Variants in CELF2 observed in about 807,000 individuals in gnomAD.
CELF2 encodes CUGBP Elav-like family member 2.
CELF2 carries 8 observed loss-of-function variants against 62.6 expected under a neutral mutation model. The observed-to-expected ratio is 0.13, with a 90% CI of 0.07 to 0.23. CELF2 has a LOEUF of 0.23. CELF2 is among the 10% of genes least tolerant of loss of function. The pLI is 1.00. For missense variants in CELF2, 333 were observed against 671.0 expected (o/e 0.50, Z 5.56); for synonymous variants, 258 against 250.0 (o/e 1.03, Z -0.30).
At chr10:11,133,717 G>T (rs1292244178) in intron 1 of CELF2, among the ~76,000 whole-genome samples, 1 of 152,198 alleles carries the variant, frequency 6.6e-6, no homozygotes, top group African/African-American at 2.4e-5. Context: ...GTAAATTCCT[G>T]TGGCGGCCCT....
the CELF2 span, among the ~76,000 whole-genome samples, chr10:10,740,802 C>A: frequency 2.0e-5 from 3 of 152,106 alleles, no homozygotes; most frequent in Admixed American, 6.5e-5. Context: ...AACTGGAAGA[C>A]ATTATGCTAA....
the CELF2 span, among the ~76,000 whole-genome samples, chr10:10,477,599 G>A: frequency 6.6e-6 from 1 of 152,052 alleles, no homozygotes; most frequent in Non-Finnish European, 1.5e-5. Context: ...TCTAGGCCGA[G>A]TGCTGTTATG....
chr10:10,647,286 C>G, the CELF2 span, among the ~76,000 whole-genome samples: 1 of 152,286 alleles, frequency 6.6e-6, no homozygotes, highest in Non-Finnish European at 1.5e-5. Context: ...AGAAAACTTT[C>G]TGCTCCTTGC....
In CELF2 at chr10:11,309,744, A is replaced by C. The variant is rs1015575809; in HGVS notation, c.977-4395A>C. Among the ~76,000 whole-genome samples, 1 of 152,142 alleles carries C rather than the reference A, an allele frequency of 6.6e-6. No individual in the cohort carries two copies. Among genetic ancestry groups the C allele is most frequent in the Non-Finnish European group, 1.5e-5 (1 of 68,024 alleles). Reference sequence around the variant, plus strand: ...TGTCCCTTTCCCTGCCCTCTCTGCTAAGCTTTCAGCTGGTCTACTTTGCCA... The same window carrying C: ...TGTCCCTTTCCCTGCCCTCTCTGCTCAGCTTTCAGCTGGTCTACTTTGCCA... On this transcript the variant is annotated intron_variant, in intron 9 of 12. Transcript: ENST00000633077. The surrounding 1 kb of genome is among the most constrained non-coding windows in gnomAD (Gnocchi z 5.6).
chr10:10,774,840 G>C, the CELF2 span, among the ~76,000 whole-genome samples: 2 of 151,698 alleles, frequency 1.3e-5, no homozygotes, highest in Non-Finnish European at 2.9e-5. Context: ...AGGCCTCTTG[G>C]GTGAGCTGAT....
At chr10:11,218,284 A>G (rs2063849307) in intron 3 of CELF2, among the ~76,000 whole-genome samples, 4 of 152,244 alleles carry the variant, frequency 2.6e-5, no homozygotes, top group Admixed American at 2.6e-4. Flanking sequence ...CACCTGTGGT[A>G]ACCAGTGCAA....
At chr10:11,131,988 A>G (rs1351791899) in intron 1 of CELF2, among the ~76,000 whole-genome samples, 8 of 152,242 alleles carry the variant, frequency 5.3e-5, no homozygotes, top group South Asian at 2.1e-4. Flanking sequence ...GCATTCATCA[A>G]TAAAACCGTA....
rs188306913 is a variant in CELF2 at position 10,928,981 on chromosome 10, A to C, written c.89+8982A>C. On this transcript the variant is annotated intron_variant, in intron 2 of 13. Coordinates refer to the CELF2 transcript ENST00000636488. This position sits in a 1 kb window ranked among gnomAD's most constrained non-coding sequence, Gnocchi z 4.8. The stretch of plus-strand genomic sequence containing the variant: ...AATGGATTAATAAATGTTTAAATCA[A>C]TGAATAAATATTTGAATTGGGAAGG... 7.6e-4 allele frequency among the ~76,000 whole-genome samples: 116 copies of C among 152,360 alleles called. No individual in the cohort carries two copies. Among genetic ancestry groups the C allele is most frequent in the Non-Finnish European group, 1.9e-4 (13 of 68,032 alleles).
chr10:10,552,407 GA>G, the CELF2 span, among the ~76,000 whole-genome samples: 1 of 152,216 alleles, frequency 6.6e-6, no homozygotes, highest in African/African-American at 2.4e-5. Context: ...GAGACTAGCA[GA>G]AAATAAATGG....
the CELF2 span, among the ~76,000 whole-genome samples, chr10:10,718,445 G>A: frequency 1.8e-4 from 27 of 151,958 alleles, no homozygotes; most frequent in South Asian, 4.2e-4. Flanking sequence ...CCAACATGGT[G>A]AAACCCCCTC....
chr10:11,130,321 A>C (rs2059427085), intron 1 of CELF2, among the ~76,000 whole-genome samples: 1 of 152,124 alleles, frequency 6.6e-6, no homozygotes, highest in South Asian at 2.1e-4. Context: ...CCATTTTCTT[A>C]ATGCTAAACC....
rs751126895 is a variant in CELF2, at chr10:11,319,110, C to T, written c.1097-2079C>T. On this transcript the variant is annotated intron_variant, in intron 10 of 12. Coordinates refer to ENST00000633077, the MANE Select transcript of CELF2 (RefSeq NM_001326342.2). The surrounding 1 kb of genome is among the most constrained non-coding windows in gnomAD (Gnocchi z 4.4). ...AGATCCAAGCAGAGCGGCGAGTCGC[C>T]GCTCCTCTCCCGCCAGAATTTCCTC... is the stretch of plus-strand genomic sequence containing the variant. 7.4e-5 allele frequency: 35 copies of T among 469,842 alleles called. No homozygotes were observed. The highest frequency in any genetic ancestry group is 3.0e-4 in the African/African-American group (15 of 50,060). The allele number at this position is 469,842 out of a possible 1,614,324, so 29.1% of individuals were successfully genotyped here.
At chr10:10,946,982 T>G (rs1469681115) in intron 2 of CELF2, 1 of 152,214 alleles carries the variant, frequency 6.6e-6, no homozygotes, top group East Asian at 1.9e-4. Context: ...TCTCTGCCTG[T>G]GAGGAGTTGT....
chr10:10,855,992 T>TG (rs1490259168), intron 1 of CELF2, among the ~76,000 whole-genome samples: 1 of 152,126 alleles, frequency 6.6e-6, no homozygotes, highest in African/African-American at 2.4e-5. Context: ...GGATCTAAGA[T>TG]CTAGGAAAGG....
intron 1 of CELF2, among the ~76,000 whole-genome samples, chr10:10,867,678 A>G (rs975589651): frequency 3.9e-5 from 6 of 152,172 alleles, no homozygotes; most frequent in Admixed American, 3.3e-4. Context: ...CAGCTGTCTC[A>G]TTCTGTCTTC....
chr10:10,712,684 G>A, the CELF2 span, among the ~76,000 whole-genome samples: 2 of 152,150 alleles, frequency 1.3e-5, no homozygotes, highest in Non-Finnish European at 2.9e-5. Context: ...CACGGCCAAA[G>A]TACAGACGTT....
At chr10:11,193,747 G>C (rs2056651573) in intron 2 of CELF2, among the ~76,000 whole-genome samples, 2 of 152,216 alleles carry the variant, frequency 1.3e-5, no homozygotes, top group African/African-American at 4.8e-5. Context: ...TGTGATCTTT[G>C]AAGACTGTTT....
the CELF2 span, among the ~76,000 whole-genome samples, chr10:10,726,771 A>G: frequency 1.2e-3 from 188 of 152,354 alleles, no homozygotes; most frequent in African/African-American, 4.5e-3. Context: ...TGCTATATGT[A>G]CTATGATTAC....
chr10:10,605,493 A>C, the CELF2 span, among the ~76,000 whole-genome samples: 1 of 152,238 alleles, frequency 6.6e-6, no homozygotes, highest in African/African-American at 2.4e-5. Flanking sequence ...CCATACTGTC[A>C]AGAAAACCTC....
Sources: allele counts gnomAD v4.1 joint callset (sites outside exome capture counted in the v4.1 genomes callset), GRCh38; gene constraint gnomAD v4.1.1; non-coding constraint Gnocchi (gnomAD v3.1); transcripts MANE v1.5; gene names NCBI Gene and HGNC (gene_info 2026-07-23, HGNC 2026-07-21).